DEAF1: variants seen among roughly 807,000 people sequenced by gnomAD.
DEAF1 encodes the protein DEAF1 transcription factor, also known as deformed epidermal autoregulatory factor 1 homolog.
Under a neutral mutation model 58.9 loss-of-function variants are expected in DEAF1, and 53 were observed. The observed-to-expected ratio is 0.90, with a 90% CI of 0.72 to 1.13. The LOEUF (loss-of-function observed/expected upper bound fraction) is 1.13. Among genes scored for constraint, DEAF1 ranks in the 50% most tolerant of loss-of-function variants. The pLI is 0.00. For synonymous variants in DEAF1, 385 were observed against 340.4 expected, an observed-to-expected ratio of 1.13 and a Z score of -1.44; for missense variants, 685 against 791.4, an observed-to-expected ratio of 0.87 and a Z score of 1.61.
At position 682,349 on chromosome 11, in the gene DEAF1, T is replaced by A. The variant is rs540736473; in HGVS notation, c.871-1260A>T. 2.1e-4 allele frequency among the ~76,000 whole-genome samples: 32 copies of A among 152,348 alleles called. No homozygotes were observed. The South Asian group carries it at 6.6e-3, about 32-fold the overall frequency. ...CGATCTTGAAGGTCGGTTTCCCAGA[T>A]GGGTTCTTCGCTGTGGCTTTCCTCG... On this transcript the variant is annotated intron_variant, in intron 6 of 11. Transcript: ENST00000382409.
At chr11:704,549 TG>T in intron 1 of DEAF1, 1 of 1,289,354 alleles carries the variant, frequency 7.8e-7, no homozygotes, top group South Asian at 1.2e-5. Flanking sequence ...GAAGACCAGC[TG>T]GGCACACCTG....
intron 10 of DEAF1, among the ~76,000 whole-genome samples, chr11:673,733 C>T (rs1256779564): frequency 2.0e-5 from 3 of 152,140 alleles, no homozygotes; most frequent in Non-Finnish European, 2.9e-5. Context: ...GACAGGCGCC[C>T]TCCTCTCTCA....
chr11:669,497 G>A (rs538114513), intron 10 of DEAF1, among the ~76,000 whole-genome samples: 15 of 151,236 alleles, frequency 9.9e-5, no homozygotes, highest in South Asian at 2.1e-4. Context: ...TTAGCTGGGC[G>A]TGGTGGCGCA....
At chr11:691,414 G>T (rs1363493049) in intron 2 of DEAF1, 87 bp downstream of exon 2, 6 of 1,258,844 alleles carry the variant, frequency 4.8e-6, no homozygotes, top group Admixed American at 1.8e-5. Context: ...TCACACAGCG[G>T]GCTGAACCCC....
At chr11:678,878 C>A in intron 8 of DEAF1, 56 bp from the exon 9 acceptor site, 1 of 1,607,012 alleles carries the variant, frequency 6.2e-7, no homozygotes, top group South Asian at 1.1e-5. Flanking sequence ...ACAGCAGACT[C>A]TAAATATCAC....
At chr11:700,944 A>C (rs1861427953) in intron 1 of DEAF1, 1 of 572,832 alleles carries the variant, frequency 1.7e-6, no homozygotes, top group Admixed American at 3.0e-5. Flanking sequence ...GTTTGGAAGC[A>C]TGTCTTGTAG....
chr11:668,752 C>A (rs1859668350), intron 10 of DEAF1, among the ~76,000 whole-genome samples: 2 of 152,236 alleles, frequency 1.3e-5, no homozygotes, highest in Middle Eastern at 3.4e-3. Context: ...AGCCTGGGAA[C>A]TTGAGGCTGC....
At chr11:697,153 C>G (rs1861230118), upstream of DEAF1, among the ~76,000 whole-genome samples, 1 of 151,294 alleles carries the variant, frequency 6.6e-6, no homozygotes. Flanking sequence ...ACGTGGGAGG[C>G]TGAGGCTGGC....
intron 10 of DEAF1, among the ~76,000 whole-genome samples, chr11:657,458 C>T (rs1443200083): frequency 6.6e-6 from 1 of 152,198 alleles, no homozygotes. Flanking sequence ...GTTTAAAACA[C>T]ATATAAAATG....
intron 11 of DEAF1, among the ~76,000 whole-genome samples, chr11:652,489 T>G (rs186176085): frequency 4.5e-4 from 68 of 152,058 alleles, no homozygotes; most frequent in Non-Finnish European, 8.7e-4. Context: ...AACATAAAAA[T>G]TAGCCGGGGG....
At chr11:701,406 CTTTTTTT>C (rs71022955) in intron 1 of DEAF1, among the ~76,000 whole-genome samples, 3 of 64,900 alleles carry the variant, frequency 4.6e-5, no homozygotes, top group African/African-American at 6.2e-5. Context: ...GACAAGGTTT[CTTTTTTT>C]TTTTTTTTTT....
rs1464396660 is a variant in DEAF1 at position 695,088 on chromosome 11, C to G, written c.-41G>C. The G allele has an allele frequency of 1.5e-5, 21 of 1,410,856 alleles. No homozygotes were observed. Among genetic ancestry groups the G allele is most frequent in the Non-Finnish European group, 1.8e-5 (20 of 1,085,604 alleles). 87.4% of individuals were successfully genotyped at this position (1,410,856 alleles called of 1,614,324 possible). On this transcript the variant is annotated 5_prime_UTR_variant, in exon 1 of 12. Coordinates refer to ENST00000382409, the MANE Select transcript of DEAF1 (RefSeq NM_021008.4). ...CCTTCCCGAAGGCGCCGTCCGGGAC[C>G]GCCCGAAGCGCCGGTCGCGGAGCCC...
In DEAF1 at chr11:670,931, G is replaced by GTTTTTTTTTT. The variant is rs558436376; in HGVS notation, c.1503+3595_1503+3604dup. Among the ~76,000 whole-genome samples the GTTTTTTTTTT allele has an allele frequency of 2.2e-3, 204 of 91,338 alleles. 21 individuals are homozygous for GTTTTTTTTTT. Among genetic ancestry groups the GTTTTTTTTTT allele is most frequent in the African/African-American group, 4.6e-3 (90 of 19,496 alleles). The allele number at this position is 91,338 out of a possible 152,430, so 59.9% of individuals were successfully genotyped here. A position where few individuals can be genotyped will look rare whatever the true frequency, so the allele number is the denominator to read the frequency against. ...TGGCATGTCACCACACCTGGCTAAT[G>GTTTTTTTTTT]TTTTTTTTTTTTTTTGAGACAGAGT... On this transcript the variant is annotated intron_variant, in intron 10 of 11. Coordinates refer to ENST00000382409, the MANE Select transcript of DEAF1 (RefSeq NM_021008.4).
At chr11:691,469 C>A (rs368618561) in intron 2 of DEAF1, 32 bp downstream of exon 2, 35 of 1,603,858 alleles carry the variant, frequency 2.2e-5, no homozygotes, top group Non-Finnish European at 2.7e-5. Context: ...TGGCACCACC[C>A]GCCCTGGGCT....
In DEAF1 at chr11:680,973, C is replaced by T. The variant is rs763472641; in HGVS notation, c.987G>A (p.Ala329=). The change falls in exon 7 of 12, where the codon GCG becomes GCA. Residue 329 remains alanine (A), a synonymous_variant. Transcript: ENST00000382409. ...TTTTCTCAAACTCACAGGTGGTAGCCGCGGTGGCTGGAAGCAATGTGATGT... is the reference window on the plus strand; with the variant it reads ...TTTTCTCAAACTCACAGGTGGTAGCTGCGGTGGCTGGAAGCAATGTGATGT... ...PKNITLLPAT[A]ATTFTVTPSG... 2.5e-6 allele frequency: 4 copies of T among 1,614,102 alleles called. No individual in the cohort carries two copies. The highest frequency in any genetic ancestry group is 2.2e-5 in the East Asian group (1 of 44,884).
At chr11:675,387 G>A (rs1426030459) in intron 9 of DEAF1, among the ~76,000 whole-genome samples, 1 of 152,024 alleles carries the variant, frequency 6.6e-6, no homozygotes, top group Non-Finnish European at 1.5e-5. Context: ...GAACTAGATG[G>A]GCATGGTGAC....
rs551241422 is a variant in DEAF1 at position 666,832 on chromosome 11, C to T, written c.1503+7704G>A. ...GGTAGAGCTTGCAGTGAGCTGAGAT[C>T]GTGTCACTGCACTCTAGCCTGGAGA... is the stretch of plus-strand genomic sequence containing the variant. On this transcript the variant is annotated intron_variant, in intron 10 of 11. Coordinates refer to ENST00000382409, the MANE Select transcript of DEAF1 (RefSeq NM_021008.4). Among the ~76,000 whole-genome samples the T allele has an allele frequency of 2.4e-5, 3 of 127,346 alleles. No individual in the cohort carries two copies. The South Asian group carries it at 7.8e-4, about 33-fold the overall frequency. The allele number at this position is 127,346 out of a possible 152,430, so 83.5% of individuals were successfully genotyped here. A position where few individuals can be genotyped will look rare whatever the true frequency, so the allele number is the denominator to read the frequency against.
At chr11:702,970 T>C in intron 1 of DEAF1, 1 of 1,610,076 alleles carries the variant, frequency 6.2e-7, no homozygotes, top group South Asian at 1.1e-5. Context: ...TGACAGAGGC[T>C]GAGAGGCCGC....
At chr11:647,107 G>C (rs1053750116) in intron 11 of DEAF1, among the ~76,000 whole-genome samples, 1 of 152,190 alleles carries the variant, frequency 6.6e-6, no homozygotes, top group East Asian at 1.9e-4. Context: ...GTAGTGAGCC[G>C]TGATGGCACC....
Sources: allele counts gnomAD v4.1 joint callset (sites outside exome capture counted in the v4.1 genomes callset), GRCh38; gene constraint gnomAD v4.1.1; transcripts MANE v1.5; gene names NCBI Gene and HGNC (gene_info 2026-07-23, HGNC 2026-07-21).